Variants in DNAH10 observed in about 807,000 individuals in gnomAD.
DNAH10 encodes axonemal beta dynein heavy chain 10.
In DNAH10, 348 loss-of-function variants were observed where a neutral mutation model predicts 506.6. That is an observed-to-expected ratio of 0.69 (90% CI 0.63 to 0.75). The LOEUF (loss-of-function observed/expected upper bound fraction) is 0.75, where lower values mean the gene tolerates loss of function less well. DNAH10 is among the 30% of genes least tolerant of loss of function. The pLI, the probability that DNAH10 is intolerant of heterozygous loss-of-function variation, is 0.00. For synonymous variants in DNAH10, 2,059 were observed against 2,198.6 expected, an observed-to-expected ratio of 0.94 and a Z score of 1.78; for missense variants, 5,179 against 5,787.1, an observed-to-expected ratio of 0.89 and a Z score of 3.41.
At chr12:123,929,634 G>C in intron 71 of DNAH10, 30 bp from the exon 72 acceptor site, 1 of 1,601,460 alleles carries the variant, frequency 6.2e-7, no homozygotes, top group Non-Finnish European at 8.5e-7. Context: ...GTGGGTTTCA[G>C]TATAACTGAG....
intron 7 of DNAH10, 43 bp from the exon 8 acceptor site, chr12:123,783,904 C>T (rs751057822): frequency 3.8e-6 from 6 of 1,558,582 alleles, no homozygotes; most frequent in Non-Finnish European, 5.3e-6. Flanking sequence ...GTCTGCTCCA[C>T]CCTAATAATG....
At chr12:123,905,294 C>T (rs920533215) in intron 57 of DNAH10, among the ~76,000 whole-genome samples, 1 of 152,154 alleles carries the variant, frequency 6.6e-6, no homozygotes. Context: ...ATTGTGTCTC[C>T]AGTCTTTTGC....
intron 76 of DNAH10, among the ~76,000 whole-genome samples, 158 bp from the exon 77 acceptor site, chr12:123,933,173 G>A (rs1415430178): frequency 1.3e-5 from 2 of 152,216 alleles, no homozygotes; most frequent in Non-Finnish European, 2.9e-5. Flanking sequence ...TGGCAGTCCA[G>A]ATTGTTTTTC....
At chr12:123,860,583 T>A (rs1322179829) in intron 38 of DNAH10, among the ~76,000 whole-genome samples, 1 of 152,168 alleles carries the variant, frequency 6.6e-6, no homozygotes, top group Non-Finnish European at 1.5e-5. Flanking sequence ...GAGCAGCTGT[T>A]GTTCTGTAGA....
chr12:123,827,316 C>T (rs1243807398), intron 25 of DNAH10, among the ~76,000 whole-genome samples: 1 of 152,082 alleles, frequency 6.6e-6, no homozygotes, highest in African/African-American at 2.4e-5. Flanking sequence ...TCAATATATC[C>T]CAAACATTAT....
chr12:123,924,105 T>C, intron 66 of DNAH10, 173 bp from the exon 67 acceptor site: 4 of 891,390 alleles, frequency 4.5e-6, no homozygotes, highest in Non-Finnish European at 5.0e-6. Context: ...GATGCTGCAC[T>C]GAGCGCCTGG....
At position 123,903,261 on chromosome 12, in the gene DNAH10, G is replaced by T. The variant is rs772999565; in HGVS notation, c.9815+148G>T. 14 of 1,177,124 alleles carry T rather than the reference G, an allele frequency of 1.2e-5. No homozygotes were observed. The highest frequency in any genetic ancestry group is 1.6e-5 in the Non-Finnish European group (14 of 870,990). The allele number at this position is 1,177,124 out of a possible 1,614,324, so 72.9% of individuals were successfully genotyped here. A position where few individuals can be genotyped will look rare whatever the true frequency, so the allele number is the denominator to read the frequency against. On this transcript the variant is annotated intron_variant, in intron 57 of 78. Coordinates refer to ENST00000673944, the MANE Select transcript of DNAH10 (RefSeq NM_001372106.1). This position sits in a 1 kb window ranked among gnomAD's most constrained non-coding sequence, Gnocchi z 4.6. ...TCTCTCCATGGTGGAGACTGTTGTT[G>T]CCCTCATTTTCGGATGGGGAAAATG...
At chr12:123,899,896 A>G (rs939108340) in intron 56 of DNAH10, among the ~76,000 whole-genome samples, 1 of 152,230 alleles carries the variant, frequency 6.6e-6, no homozygotes, top group Non-Finnish European at 1.5e-5. Context: ...AACCAAAGCA[A>G]CTTAATCGAT....
chr12:123,917,781 A>G lies in DNAH10; in HGVS notation c.11200A>G (p.Thr3734Ala), dbSNP rs1176282088. The G allele has an allele frequency of 1.3e-6, 2 of 1,575,040 alleles. No homozygotes were observed. Among genetic ancestry groups the G allele is most frequent in the East Asian group, 4.7e-5 (2 of 42,538 alleles). ...NMLDNVDLVH[T>A]LEETKSKATE... ...GCTGGACAATGTGGACCTGGTGCAC[A>G]CCCTGGAGGAGACCAAATCCAAGGC... The change falls in exon 64 of 79, where the codon ACC becomes GCC. Residue 3734 changes from threonine (T) to alanine (A), a missense_variant. Physicochemically the swap from Thr to Ala is moderately conservative, Grantham distance 58. This residue lies in a region of DNAH10 where 4,844 missense variants were observed against 5,430.5 expected (regional missense o/e 0.89). Transcript: ENST00000673944. The surrounding 1 kb of genome is among the most constrained non-coding windows in gnomAD (Gnocchi z 5.6).
rs185079012 is a variant in DNAH10 at position 123,813,211 on chromosome 12, G to A, written c.3192G>A (p.Gln1064=). 1.9e-6 allele frequency: 3 copies of A among 1,613,752 alleles called. No homozygotes were observed. In the African/African-American group the frequency reaches 4.0e-5, roughly 22 times the overall value. Residue 1064 remains glutamine, a synonymous_variant, in exon 20 of 79, where the codon CAG becomes CAA. Transcript: ENST00000673944. ...GCAGCTGCATAGAATGCCCACCTCAGAAGGGGGAGGAAGAGGAAGTTGTTA... is the reference window on the plus strand; with the variant it reads ...GCAGCTGCATAGAATGCCCACCTCAAAAGGGGGAGGAAGAGGAAGTTGTTA... The part of the protein sequence containing the change: ...MNGSCIECPP[Q]KGEEEEVVII...
In DNAH10 at chr12:123,845,536, GGACT is replaced by G; in HGVS notation, c.5361-62_5361-59del. On this transcript the variant is annotated intron_variant, in intron 30 of 78. Coordinates refer to ENST00000673944, the MANE Select transcript of DNAH10 (RefSeq NM_001372106.1). ...AGATCAAAGAAATAAATTCCTGAAGGGACTGTTTTGGGTACCAGTCCCCGGATTG... is the reference window on the plus strand; with the variant it reads ...AGATCAAAGAAATAAATTCCTGAAGGGTTTTGGGTACCAGTCCCCGGATTG... 3 of 1,578,938 alleles carry G rather than the reference GGACT, an allele frequency of 1.9e-6. No individual in the cohort carries two copies. The Admixed American group carries it at 5.3e-5, about 28-fold the overall frequency.
At chr12:123,771,452 T>C (rs2135975967) in intron 2 of DNAH10, 149 bp from the exon 3 acceptor site, 1 of 676,534 alleles carries the variant, frequency 1.5e-6, no homozygotes. Context: ...AGGCCACAAT[T>C]TGATTGATTG....
chr12:123,771,415 A>G (rs540302907), intron 2 of DNAH10, among the ~76,000 whole-genome samples, 186 bp from the exon 3 acceptor site: 1 of 152,312 alleles, frequency 6.6e-6, no homozygotes, highest in South Asian at 2.1e-4. Flanking sequence ...AACGAAACAC[A>G]ATTCTTGTCA....
intron 56 of DNAH10, among the ~76,000 whole-genome samples, chr12:123,899,570 T>C (rs778624770): frequency 5.3e-5 from 8 of 152,194 alleles, no homozygotes; most frequent in Non-Finnish European, 1.2e-4. Flanking sequence ...GCACCTTAAC[T>C]TGGTGTTGGC....
chr12:123,810,930 T>C (rs759072359), intron 19 of DNAH10, among the ~76,000 whole-genome samples: 1 of 152,224 alleles, frequency 6.6e-6, no homozygotes, highest in African/African-American at 2.4e-5. Flanking sequence ...TCCTCCTTAC[T>C]AATAGATGGA....
intron 30 of DNAH10, among the ~76,000 whole-genome samples, chr12:123,843,176 T>C (rs1950830101): frequency 2.0e-5 from 3 of 152,236 alleles, no homozygotes; most frequent in Non-Finnish European, 4.4e-5. Context: ...CTCATCCAGA[T>C]GCTCCTTTGA....
chr12:123,826,489 A>C (rs556858153), intron 24 of DNAH10, among the ~76,000 whole-genome samples, 198 bp from the exon 25 acceptor site: 1 of 152,216 alleles, frequency 6.6e-6, no homozygotes, highest in Non-Finnish European at 1.5e-5. Context: ...TTTTTGCAAA[A>C]GCTTACAAAA....
At position 123,921,691 on chromosome 12, in the gene DNAH10, G is replaced by GTTTTTTTTTTTTTTTTTT. The variant is rs35553163; in HGVS notation, c.11507-2049_11507-2032dup. Among the ~76,000 whole-genome samples, 4 of 62,836 alleles carry GTTTTTTTTTTTTTTTTTT rather than the reference G, an allele frequency of 6.4e-5. 2 individuals carry two copies. The highest frequency in any genetic ancestry group is 5.7e-5 in the Non-Finnish European group (2 of 35,180). The allele number at this position is 62,836 out of a possible 152,430, so 41.2% of individuals were successfully genotyped here. On this transcript the variant is annotated intron_variant, in intron 65 of 78. Coordinates refer to ENST00000673944, the MANE Select transcript of DNAH10 (RefSeq NM_001372106.1). The stretch of plus-strand genomic sequence containing the variant: ...CTTGTCCATCTGTCTGTAGCTTGCA[G>GTTTTTTTTTTTTTTTTTT]TTTTTTTTTTTTTTTTTTTTTTTTT...
Position 123,928,639 on chromosome 12 carries a change from C to T in DNAH10, c.12306+52C>T, listed in dbSNP as rs753339732. Reference sequence around the variant, plus strand: ...TGCCAGCACGCAGCTTCTCAGAACACCTGCATGCTGCTCTGGGGCCGGGGT... The same window carrying T: ...TGCCAGCACGCAGCTTCTCAGAACATCTGCATGCTGCTCTGGGGCCGGGGT... On this transcript the variant is annotated intron_variant, in intron 70 of 78. Transcript: ENST00000673944. This position sits in a 1 kb window ranked among gnomAD's most constrained non-coding sequence, Gnocchi z 4.9. 1 of 1,529,068 alleles carries T rather than the reference C, an allele frequency of 6.5e-7. No individual in the cohort carries two copies. The highest frequency in any genetic ancestry group is 8.8e-7 in the Non-Finnish European group (1 of 1,131,696). 94.7% of individuals were successfully genotyped at this position (1,529,068 alleles called of 1,614,324 possible).
Sources: allele counts gnomAD v4.1 joint callset (sites outside exome capture counted in the v4.1 genomes callset), GRCh38; gene constraint gnomAD v4.1.1; regional missense constraint gnomAD v4.1.1; non-coding constraint Gnocchi (gnomAD v3.1); transcripts MANE v1.5; gene names NCBI Gene and HGNC (gene_info 2026-07-23, HGNC 2026-07-21).